The following FARP2 variants were observed in gnomAD, a reference collection of about 807,000 sequenced individuals.
The protein encoded by FARP2 is FERM, ARHGEF and pleckstrin domain-containing protein 2.
In FARP2, 111 loss-of-function variants were observed where a neutral mutation model predicts 130.5. The ratio of observed to expected loss-of-function variants is 0.85; its 90% confidence interval spans 0.73 to 1.00. The LOEUF (loss-of-function observed/expected upper bound fraction) is 1.00, where lower values mean the gene tolerates loss of function less well. FARP2 is among the 50% of genes least tolerant of loss of function. The pLI is 0.00. For missense variants in FARP2, 1,385 were observed against 1,346.3 expected (o/e 1.03, Z -0.45); for synonymous variants, 504 against 516.9 (o/e 0.98, Z 0.34).
rs769835328 is a variant in FARP2 at position 241,388,975 on chromosome 2, G to C, written c.184-14853G>C. ...GGTGGAGCCCTCACGAGTGGGATTA[G>C]TGCCCTTATAAGAATAGACATGAGG... On this transcript the variant is annotated intron_variant, in intron 2 of 26. Coordinates refer to ENST00000264042, the MANE Select transcript of FARP2 (RefSeq NM_014808.4). 4.7e-4 allele frequency among the ~76,000 whole-genome samples: 72 copies of C among 152,190 alleles called. 1 individual carries two copies. The highest frequency in any genetic ancestry group is 8.8e-5 in the Non-Finnish European group (6 of 68,036).
intron 2 of FARP2, among the ~76,000 whole-genome samples, chr2:241,374,134 C>T (rs958790559): frequency 5.3e-5 from 8 of 151,870 alleles, no homozygotes; most frequent in East Asian, 1.9e-4. Context: ...TCCTCAACCC[C>T]GGGAGTAGCT....
chr2:241,356,896 T>A (rs1012236864), intron 1 of FARP2, among the ~76,000 whole-genome samples: 18 of 152,352 alleles, frequency 1.2e-4, no homozygotes, highest in Admixed American at 3.3e-4. Context: ...AAATTGTATC[T>A]TAAAGGTGGG....
chr2:241,468,359 G>A lies in FARP2; in HGVS notation c.2113G>A (p.Asp705Asn). The A allele has an allele frequency of 6.2e-7, 1 of 1,612,452 alleles. No homozygotes were observed. Among genetic ancestry groups the A allele is most frequent in the Non-Finnish European group, 8.5e-7 (1 of 1,179,480 alleles). The stretch of plus-strand genomic sequence containing the variant: ...CGGACATTACAGCCCCGGGCACCAT[G>A]ACTACGCTGACTGCCATGGTGAGTG... ...LCGHYSPGHH[D>N]YADCHDALKA... The change falls in exon 18 of 27, where the codon GAC (aspartate) becomes AAC (asparagine). Residue 705 changes from aspartate (D) to asparagine (N), a missense_variant. Transcript: ENST00000264042.
Position 241,494,212 on chromosome 2 carries a change from G to C in FARP2, c.*87G>C, listed in dbSNP as rs1031313035. 6 of 787,552 alleles carry C rather than the reference G, an allele frequency of 7.6e-6. No individual in the cohort carries two copies. The African/African-American group carries it at 1.1e-4, about 14-fold the overall frequency. The allele number at this position is 787,552 out of a possible 1,614,324, so 48.8% of individuals were successfully genotyped here. A position where few individuals can be genotyped will look rare whatever the true frequency, so the allele number is the denominator to read the frequency against. ...TGTCCTGAGGCTTCTCAACAGATGGGAAGTGGCTGTGGTCTCACTGGATCC... is the reference window on the plus strand; with the variant it reads ...TGTCCTGAGGCTTCTCAACAGATGGCAAGTGGCTGTGGTCTCACTGGATCC... On this transcript the variant is annotated 3_prime_UTR_variant, in exon 27 of 27. Transcript: ENST00000264042. The surrounding 1 kb of genome is among the most constrained non-coding windows in gnomAD (Gnocchi z 4.9).
Position 241,482,321 on chromosome 2 carries a change from T to G in FARP2, c.2263-1144T>G, listed in dbSNP as rs556207929. Among the ~76,000 whole-genome samples the G allele has an allele frequency of 6.6e-6, 1 of 152,244 alleles. No individual in the cohort carries two copies. The highest frequency in any genetic ancestry group is 2.1e-4 in the South Asian group (1 of 4,812). On this transcript the variant is annotated intron_variant, in intron 19 of 26. Transcript: ENST00000264042. The surrounding 1 kb of genome is among the most constrained non-coding windows in gnomAD (Gnocchi z 4.6). Reference sequence around the variant, plus strand: ...CCGTGGGTCTGGGACGCACATCCTGTGAGGGAGCTCTGGAGAGGGGGCTGC... The same window carrying G: ...CCGTGGGTCTGGGACGCACATCCTGGGAGGGAGCTCTGGAGAGGGGGCTGC...
intron 8 of FARP2, among the ~76,000 whole-genome samples, chr2:241,428,765 A>T (rs911198008): frequency 2.6e-4 from 40 of 152,100 alleles, no homozygotes; most frequent in Admixed American, 2.6e-4. Context: ...TCATCATCCC[A>T]AAAAGAGACC....
chr2:241,483,142 C>T (rs2064659289), intron 19 of FARP2, among the ~76,000 whole-genome samples: 1 of 152,196 alleles, frequency 6.6e-6, no homozygotes, highest in Non-Finnish European at 1.5e-5. Flanking sequence ...TGTGGCTGAA[C>T]CTTCCAGAAG....
At chr2:241,444,372 T>G (rs934210734) in intron 13 of FARP2, 1 of 152,226 alleles carries the variant, frequency 6.6e-6, no homozygotes, top group African/African-American at 2.4e-5. Flanking sequence ...TTAAAACGTT[T>G]TCCTAAACCT....
intron 19 of FARP2, chr2:241,479,071 G>T: frequency 2.0e-6 from 1 of 504,678 alleles, no homozygotes; most frequent in Non-Finnish European, 3.6e-6. Context: ...AGGAAGCTTG[G>T]CTGCGAGAAG....
chr2:241,466,214 G>C, intron 17 of FARP2: 1 of 985,440 alleles, frequency 1.0e-6, no homozygotes, highest in Non-Finnish European at 1.2e-6. Context: ...TTTTCCCCCA[G>C]AGCCCGGGCC....
intron 13 of FARP2, among the ~76,000 whole-genome samples, chr2:241,453,074 A>G (rs2063709811): frequency 6.6e-6 from 1 of 152,136 alleles, no homozygotes. Context: ...TCACACCTGT[A>G]ATCCCAGCAC....
At chr2:241,382,292 ATT>A (rs772855102) in intron 2 of FARP2, among the ~76,000 whole-genome samples, 18 of 126,252 alleles carry the variant, frequency 1.4e-4, no homozygotes, top group Admixed American at 4.2e-4. Context: ...TACAAAATCT[ATT>A]TTTTTTTTTT....
chr2:241,406,956 C>T (rs1206193587), intron 4 of FARP2, among the ~76,000 whole-genome samples: 7 of 152,136 alleles, frequency 4.6e-5, no homozygotes, highest in South Asian at 2.1e-4. Flanking sequence ...TACAGTCACC[C>T]GCCACCACGC....
intron 2 of FARP2, among the ~76,000 whole-genome samples, chr2:241,379,192 C>G (rs1385832004): frequency 6.6e-6 from 1 of 152,142 alleles, no homozygotes. Flanking sequence ...ATGTCTAGAA[C>G]AATTATACTC....
chr2:241,407,141 T>A (rs2062381982), intron 4 of FARP2, among the ~76,000 whole-genome samples: 1 of 152,226 alleles, frequency 6.6e-6, no homozygotes, highest in South Asian at 2.1e-4. Context: ...GAGTAATCCC[T>A]GCTGAATGCA....
Position 241,424,927 on chromosome 2 carries a change from G to A in FARP2, c.772-6752G>A, listed in dbSNP as rs544489755. The stretch of plus-strand genomic sequence containing the variant: ...GAAACTTATAAAAACCCTAGATGAG[G>A]GCTAGACACAGTGGCTCACGTCTGA... On this transcript the variant is annotated intron_variant, in intron 8 of 26. Coordinates refer to ENST00000264042, the MANE Select transcript of FARP2 (RefSeq NM_014808.4). Among the ~76,000 whole-genome samples the A allele has an allele frequency of 1.4e-4, 22 of 152,186 alleles. No individual in the cohort carries two copies. The South Asian group carries it at 3.5e-3, about 24-fold the overall frequency.
chr2:241,378,010 A>G (rs2061577064), intron 2 of FARP2, among the ~76,000 whole-genome samples: 1 of 152,216 alleles, frequency 6.6e-6, no homozygotes, highest in South Asian at 2.1e-4. Context: ...ATATTTGCCA[A>G]CACTTATTTT....
intron 13 of FARP2, among the ~76,000 whole-genome samples, chr2:241,451,804 G>C (rs2150440030): frequency 6.6e-6 from 1 of 151,574 alleles, no homozygotes; most frequent in East Asian, 1.9e-4. Context: ...CCCCAGGCTG[G>C]AGTGCAGTGG....
At chr2:241,375,095 C>T (rs568963374) in intron 2 of FARP2, among the ~76,000 whole-genome samples, 12 of 152,144 alleles carry the variant, frequency 7.9e-5, no homozygotes, top group East Asian at 7.7e-4. Context: ...TACAGGCGCC[C>T]GCCACCATGC....
Sources: allele counts gnomAD v4.1 joint callset (sites outside exome capture counted in the v4.1 genomes callset), GRCh38; gene constraint gnomAD v4.1.1; non-coding constraint Gnocchi (gnomAD v3.1); transcripts MANE v1.5; gene names NCBI Gene and HGNC (gene_info 2026-07-23, HGNC 2026-07-21).